Variants in PRDM16 observed in about 807,000 individuals in gnomAD.
PRDM16 encodes the protein PR/SET domain 16, also known as histone-lysine N-methyltransferase PRDM16.
In PRDM16, 23 loss-of-function variants were observed where a neutral mutation model predicts 110.6. The observed-to-expected ratio is 0.21, with a 90% CI of 0.15 to 0.29. PRDM16 has a LOEUF of 0.29. Ranked by LOEUF, PRDM16 falls within the 10% of genes least tolerant of loss-of-function variation. PRDM16 has a pLI of 1.00. For missense variants in PRDM16, 1,615 were observed against 1,794.3 expected (o/e 0.90, Z 1.81); for synonymous variants, 799 against 781.8 (o/e 1.02, Z -0.37).
rs751831489 is a variant in PRDM16, at chr1:3,081,674, C to T, written c.37+12378C>T. Among the ~76,000 whole-genome samples the T allele has an allele frequency of 2.6e-5, 4 of 152,142 alleles. No homozygotes were observed. Among genetic ancestry groups the T allele is most frequent in the Non-Finnish European group, 5.9e-5 (4 of 68,022 alleles). Reference sequence around the variant, plus strand: ...TGTGGACTGGGCAGGACAGCTGGACCTCCTGGCCACACAGCCGCTTCCCAC... The same window carrying T: ...TGTGGACTGGGCAGGACAGCTGGACTTCCTGGCCACACAGCCGCTTCCCAC... On this transcript the variant is annotated intron_variant, in intron 1 of 16. Transcript: ENST00000270722. This position sits in a 1 kb window ranked among gnomAD's most constrained non-coding sequence, Gnocchi z 4.6.
chr1:3,069,499 CCG>C lies in PRDM16; in HGVS notation c.37+209_37+210del, dbSNP rs886976371. ...GGCGCGGAGGCTCGGGGCGCCCGGG[CCG>C]CGCGCTCCCCGAAGGCGCCGGCCCC... On this transcript the variant is annotated intron_variant, in intron 1 of 16. Coordinates refer to ENST00000270722, the MANE Select transcript of PRDM16 (RefSeq NM_022114.4). The surrounding 1 kb of genome is among the most constrained non-coding windows in gnomAD (Gnocchi z 6.1). Among the ~76,000 whole-genome samples the C allele has an allele frequency of 1.4e-5, 2 of 146,182 alleles. No homozygotes were observed. The highest frequency in any genetic ancestry group is 3.0e-5 in the Non-Finnish European group (2 of 65,908).
At chr1:3,323,781 C>T (rs874244) in intron 3 of PRDM16, among the ~76,000 whole-genome samples, 12,175 of 152,286 alleles carry the variant, frequency 0.08, 1,550 homozygotes, top group African/African-American at 0.27. Flanking sequence ...GGCTTTTCCC[C>T]GAGTATTTAC....
Position 3,432,069 on chromosome 1 carries a change from AAAG to A in PRDM16, c.3627_3629del (p.Lys1209_Asp1210delinsAsn), listed in dbSNP as rs1290106818. The stretch of plus-strand genomic sequence containing the variant: ...AGCAGCTGAGGAAGCATTTGAAGTT[AAAG>A]ATGTGCTTAATTCCACCTTAGATTC... On this transcript the variant is annotated inframe_deletion, in exon 16 of 17. Transcript: ENST00000270722. 2.5e-6 allele frequency: 4 copies of A among 1,614,116 alleles called. No individual in the cohort carries two copies. The highest frequency in any genetic ancestry group is 3.3e-5 in the Admixed American group (2 of 60,026).
chr1:3,274,480 G>A (rs1404219001), intron 3 of PRDM16, among the ~76,000 whole-genome samples: 4 of 152,174 alleles, frequency 2.6e-5, no homozygotes, highest in African/African-American at 2.4e-5. Flanking sequence ...GCTCTTAGCC[G>A]GCTGCGGAAG....
At chr1:3,322,337 C>A (rs1432438555) in intron 3 of PRDM16, among the ~76,000 whole-genome samples, 1 of 152,146 alleles carries the variant, frequency 6.6e-6, no homozygotes, top group Admixed American at 6.5e-5. Flanking sequence ...TTGATTGACT[C>A]GAGTTACATC....
chr1:3,069,862 G>A lies in PRDM16; in HGVS notation c.37+566G>A, dbSNP rs1028304598. ...GGGGAGGGGCGGAGGAGGGGGCGCG[G>A]GCCGGCGCCCACCCGGCTCCGCGGG... On this transcript the variant is annotated intron_variant, in intron 1 of 16. Transcript: ENST00000270722. This position sits in a 1 kb window ranked among gnomAD's most constrained non-coding sequence, Gnocchi z 6.1. Among the ~76,000 whole-genome samples, 2 of 152,046 alleles carry A rather than the reference G, an allele frequency of 1.3e-5. No homozygotes were observed. Among genetic ancestry groups the A allele is most frequent in the African/African-American group, 4.8e-5 (2 of 41,436 alleles).
chr1:3,138,793 G>A (rs1283789453), intron 1 of PRDM16, among the ~76,000 whole-genome samples: 1 of 152,186 alleles, frequency 6.6e-6, no homozygotes, highest in African/African-American at 2.4e-5. Context: ...GTGAGGAGGG[G>A]GCCTTGGAGG....
intron 3 of PRDM16, among the ~76,000 whole-genome samples, chr1:3,317,100 G>A (rs545566680): frequency 4.0e-4 from 61 of 152,322 alleles, no homozygotes; most frequent in African/African-American, 1.1e-3. Flanking sequence ...AATGACATAC[G>A]TAATGACAGC....
intron 3 of PRDM16, among the ~76,000 whole-genome samples, chr1:3,352,102 G>A (rs758076082): frequency 1.4e-4 from 21 of 152,188 alleles, no homozygotes; most frequent in Admixed American, 1.3e-4. Context: ...AGCTCAGACA[G>A]CCCCAGGCCA....
chr1:3,351,931 G>A (rs2100539681), intron 3 of PRDM16, among the ~76,000 whole-genome samples: 1 of 151,478 alleles, frequency 6.6e-6, no homozygotes, highest in South Asian at 2.1e-4. Context: ...GATGCCTGAG[G>A]GTAGCTGGGC....
At position 3,332,444 on chromosome 1, in the gene PRDM16, G is replaced by C. The variant is rs370602210; in HGVS notation, c.439-52708G>C. On this transcript the variant is annotated intron_variant, in intron 3 of 16. Coordinates refer to ENST00000270722, the MANE Select transcript of PRDM16 (RefSeq NM_022114.4). Reference sequence around the variant, plus strand: ...CCGTGGGGCGGCTAGGGAGCGGTGGGGGGGCGTGGCCTGGCCCCCCCTCGG... The same window carrying C: ...CCGTGGGGCGGCTAGGGAGCGGTGGCGGGGCGTGGCCTGGCCCCCCCTCGG... 2.6e-4 allele frequency among the ~76,000 whole-genome samples: 39 copies of C among 152,192 alleles called. No individual in the cohort carries two copies. In the South Asian group the frequency reaches 4.2e-3, roughly 16 times the overall value.
At chr1:3,125,564 G>A (rs919485844) in intron 1 of PRDM16, among the ~76,000 whole-genome samples, 2 of 152,266 alleles carry the variant, frequency 1.3e-5, no homozygotes, top group African/African-American at 2.4e-5. Context: ...CCTGCCTGGC[G>A]CTCGCCAAGG....
intron 12 of PRDM16, 75 bp downstream of exon 12, chr1:3,418,819 A>T (rs1023206595): frequency 8.8e-7 from 1 of 1,137,466 alleles, no homozygotes; most frequent in African/African-American, 1.5e-5. Context: ...CCTAGGAGTA[A>T]GTATGCCATT....
At position 3,314,565 on chromosome 1, in the gene PRDM16, C is replaced by T. The variant is rs908640788; in HGVS notation, c.438+70428C>T. On this transcript the variant is annotated intron_variant, in intron 3 of 16. Transcript: ENST00000270722. ...ACTTCATCTGCCAAATGTGTGTGAG[C>T]GTTCTCTCTCTCTCTCCTCTCTCTC... is the stretch of plus-strand genomic sequence containing the variant. 9.2e-5 allele frequency among the ~76,000 whole-genome samples: 14 copies of T among 151,918 alleles called. No individual in the cohort carries two copies. The East Asian group carries it at 9.7e-4, about 11-fold the overall frequency.
intron 3 of PRDM16, among the ~76,000 whole-genome samples, chr1:3,355,635 C>T (rs772027082): frequency 2.4e-4 from 36 of 152,134 alleles, no homozygotes; most frequent in Admixed American, 2.0e-4. Context: ...CTGGGGGGAC[C>T]GCTATCCTGG....
intron 3 of PRDM16, among the ~76,000 whole-genome samples, chr1:3,270,564 A>G (rs959922347): frequency 2.0e-5 from 3 of 150,694 alleles, no homozygotes; most frequent in Non-Finnish European, 4.4e-5. Context: ...CAAGAGGAGC[A>G]TAGTCCTGGA....
chr1:3,220,303 A>G (rs1330242841), intron 2 of PRDM16, among the ~76,000 whole-genome samples: 1 of 152,166 alleles, frequency 6.6e-6, no homozygotes, highest in Admixed American at 6.5e-5. Context: ...CAGGCATCAT[A>G]GCAGCCGGCC....
At chr1:3,171,744 C>G (rs936244790) in intron 1 of PRDM16, among the ~76,000 whole-genome samples, 13 of 152,090 alleles carry the variant, frequency 8.5e-5, no homozygotes, top group Non-Finnish European at 1.3e-4. Flanking sequence ...CCCCAGGACT[C>G]CAGAACACCT....
At chr1:3,197,751 C>G (rs571788281) in intron 2 of PRDM16, among the ~76,000 whole-genome samples, 2 of 152,320 alleles carry the variant, frequency 1.3e-5, no homozygotes, top group African/African-American at 4.8e-5. Context: ...TGGAGAGGCC[C>G]CCTGAGGCCT....
Sources: gnomAD v4.1 joint callset for allele counts (sites outside exome capture counted in the v4.1 genomes callset) on GRCh38, gnomAD v4.1.1 for gene constraint, Gnocchi (gnomAD v3.1) non-coding constraint, MANE v1.5 for transcripts, NCBI Gene and HGNC (gene_info 2026-07-23, HGNC 2026-07-21) for gene names.